TNPO3: variants seen among roughly 807,000 people sequenced by gnomAD.
The protein encoded by TNPO3 is transportin-3.
A neutral mutation model predicts 122.8 loss-of-function variants in TNPO3; 65 were observed. The observed-to-expected ratio is 0.53, with a 90% CI of 0.43 to 0.65. TNPO3 has a LOEUF of 0.65. Among genes scored for constraint, TNPO3 ranks in the 30% least tolerant of loss-of-function variants. TNPO3 has a pLI of 0.00. For synonymous variants in TNPO3, 372 were observed against 411.2 expected (o/e 0.90, Z 1.15); for missense variants, 850 against 1,136.7 (o/e 0.75, Z 3.63).
At chr7:129,025,211 G>A (rs1328233800) in intron 1 of TNPO3, among the ~76,000 whole-genome samples, 1 of 150,340 alleles carries the variant, frequency 6.7e-6, no homozygotes, top group African/African-American at 2.5e-5. Context: ...TTAGCCGGGC[G>A]TGGTGGTGGG....
intron 1 of TNPO3, among the ~76,000 whole-genome samples, chr7:129,023,262 A>G (rs1431461075): frequency 2.6e-5 from 4 of 152,108 alleles, no homozygotes; most frequent in Non-Finnish European, 4.4e-5. Flanking sequence ...TGAAAAGGCA[A>G]TATCTCTATA....
chr7:129,032,957 A>G (rs1806120015), intron 1 of TNPO3, among the ~76,000 whole-genome samples: 1 of 152,200 alleles, frequency 6.6e-6, no homozygotes, highest in Non-Finnish European at 1.5e-5. Context: ...TTACAAAGCC[A>G]TAGTAATCAA....
Position 129,014,895 on chromosome 7 carries a change from T to C in TNPO3, c.552+84A>G, listed in dbSNP as rs969435274. On this transcript the variant is annotated intron_variant, in intron 4 of 22. Coordinates refer to ENST00000265388, the MANE Select transcript of TNPO3 (RefSeq NM_012470.4). ...TCATTAAATTTTGCAAAGAAAGCTA[T>C]TTCACAATAATGCAATTGATTACAA... The C allele has an allele frequency of 5.0e-6, 7 of 1,393,272 alleles. No individual in the cohort carries two copies. In the African/African-American group the frequency reaches 1.0e-4, roughly 21 times the overall value. 86.3% of individuals were successfully genotyped at this position (1,393,272 alleles called of 1,614,324 possible).
rs541541070 is a variant in TNPO3, at chr7:129,047,896, T to C, written c.120+6755A>G. Among the ~76,000 whole-genome samples, 9 of 152,298 alleles carry C rather than the reference T, an allele frequency of 5.9e-5. No individual in the cohort carries two copies. The East Asian group carries it at 1.7e-3, about 29-fold the overall frequency. On this transcript the variant is annotated intron_variant, in intron 1 of 22. Transcript: ENST00000265388. ...GAAAAAAACCACCACACACATTACT[T>C]TTGGTTACAAATGCCATTTAGTGAC...
intron 19 of TNPO3, among the ~76,000 whole-genome samples, chr7:128,970,554 G>A (rs529040972): frequency 1.1e-3 from 164 of 152,178 alleles, no homozygotes; most frequent in Admixed American, 4.0e-3. Flanking sequence ...GAATGAACAT[G>A]GGTTTCAACA....
chr7:129,025,377 A>C (rs928804994), intron 1 of TNPO3, among the ~76,000 whole-genome samples: 48 of 142,138 alleles, frequency 3.4e-4, no homozygotes, highest in East Asian at 1.2e-3. Flanking sequence ...AAAAAAAAAA[A>C]AAAAAAAAAA....
At chr7:128,990,324 C>T in intron 10 of TNPO3, 1 of 624,542 alleles carries the variant, frequency 1.6e-6, no homozygotes, top group South Asian at 1.9e-5. Flanking sequence ...GCTCCTTAAT[C>T]TTCTGAATGC....
intron 1 of TNPO3, chr7:129,030,531 A>G (rs560552853): frequency 1.3e-5 from 2 of 153,468 alleles, no homozygotes; most frequent in African/African-American, 4.8e-5. Flanking sequence ...ATTAATATGT[A>G]GATATCACTC....
At chr7:128,970,337 C>T in intron 19 of TNPO3, 22 bp from the exon 20 acceptor site, 3 of 1,548,676 alleles carry the variant, frequency 1.9e-6, no homozygotes, top group South Asian at 1.2e-5. Context: ...AAAGCAGGAA[C>T]ATCAGATAAA....
intron 4 of TNPO3, among the ~76,000 whole-genome samples, chr7:129,010,071 G>C (rs1408362314): frequency 1.3e-5 from 2 of 152,060 alleles, no homozygotes; most frequent in Non-Finnish European, 2.9e-5. Context: ...AAAGAATTAA[G>C]ATTTATCCTA....
Position 128,982,401 on chromosome 7 carries a change from C to G in TNPO3, c.1783-77G>C, listed in dbSNP as rs1160724257. The G allele has an allele frequency of 7.8e-6, 10 of 1,284,618 alleles. No homozygotes were observed. In the East Asian group the frequency reaches 2.1e-4, roughly 27 times the overall value. 79.6% of individuals were successfully genotyped at this position (1,284,618 alleles called of 1,614,324 possible). ...AGCCAACACTGCAACATACATCAAC[C>G]TTTGTCTCAATCTCTGCTTATTTCC... On this transcript the variant is annotated intron_variant, in intron 13 of 22. Transcript: ENST00000265388.
chr7:129,036,414 G>GA lies in TNPO3; in HGVS notation c.120+18236dup, dbSNP rs923310752. Among the ~76,000 whole-genome samples the GA allele has an allele frequency of 1.0e-3, 155 of 149,696 alleles. 1 individual carries two copies. The highest frequency in any genetic ancestry group is 1.9e-3 in the Non-Finnish European group (131 of 67,318). ...GTTTTTTAATATCATCATCATAAAA[G>GA]AAAAAAAAATACCCAGGTAACTAGA... On this transcript the variant is annotated intron_variant, in intron 1 of 22. Transcript: ENST00000265388.
At position 129,012,540 on chromosome 7, in the gene TNPO3, T is replaced by C. The variant is rs1803337820; in HGVS notation, c.552+2439A>G. Among the ~76,000 whole-genome samples the C allele has an allele frequency of 3.3e-5, 5 of 152,312 alleles. No homozygotes were observed. In the South Asian group the frequency reaches 1.0e-3, roughly 32 times the overall value. ...CTGGAGCATTTCAGATTAGGAATGC[T>C]GAACCACAAAGTATAATGCAAATAT... On this transcript the variant is annotated intron_variant, in intron 4 of 22. Transcript: ENST00000265388.
At chr7:128,999,613 CTTT>C (rs146907593) in intron 7 of TNPO3, among the ~76,000 whole-genome samples, 18 of 139,240 alleles carry the variant, frequency 1.3e-4, no homozygotes, top group Admixed American at 2.1e-4. Flanking sequence ...TTCTTTCTCA[CTTT>C]TTTTTTTTTT....
chr7:129,022,380 GT>G (rs1563105868), intron 1 of TNPO3, among the ~76,000 whole-genome samples: 2 of 151,490 alleles, frequency 1.3e-5, no homozygotes, highest in African/African-American at 4.9e-5. Flanking sequence ...TGGTATCAAA[GT>G]TATCAAAAGA....
At chr7:129,042,175 C>A (rs528850114) in intron 1 of TNPO3, among the ~76,000 whole-genome samples, 2 of 152,254 alleles carry the variant, frequency 1.3e-5, no homozygotes, top group African/African-American at 4.8e-5. Flanking sequence ...CCAAAGAGCT[C>A]TGGCAAATAG....
At chr7:129,031,534 A>G (rs1350453648) in intron 1 of TNPO3, among the ~76,000 whole-genome samples, 1 of 152,240 alleles carries the variant, frequency 6.6e-6, no homozygotes, top group African/African-American at 2.4e-5. Flanking sequence ...TAACTTGCCA[A>G]GAGATTAAAT....
At chr7:129,000,355 C>T (rs932224227) in intron 7 of TNPO3, 74 bp downstream of exon 7, 187 of 1,379,522 alleles carry the variant, frequency 1.4e-4, no homozygotes, top group African/African-American at 3.9e-4. Context: ...AATTTGGGCA[C>T]GAGGTAATGA....
In TNPO3 at chr7:128,970,392, G is replaced by C. The variant is rs1798339676; in HGVS notation, c.2431-77C>G. On this transcript the variant is annotated intron_variant, in intron 19 of 22. Coordinates refer to ENST00000265388, the MANE Select transcript of TNPO3 (RefSeq NM_012470.4). ...AAGACCAAGCACTCTTTCCCCTTTA[G>C]TAATTTCTCTTTAATAGGAAAGTGT... is the stretch of plus-strand genomic sequence containing the variant. 2.1e-6 allele frequency: 3 copies of C among 1,401,488 alleles called. No individual in the cohort carries two copies. In the East Asian group the frequency reaches 7.0e-5, roughly 32 times the overall value. 86.8% of individuals were successfully genotyped at this position (1,401,488 alleles called of 1,614,324 possible).
Sources: gnomAD v4.1 joint callset for allele counts (sites outside exome capture counted in the v4.1 genomes callset) on GRCh38, gnomAD v4.1.1 for gene constraint, MANE v1.5 for transcripts, NCBI Gene and HGNC (gene_info 2026-07-23, HGNC 2026-07-21) for gene names.